The following CYP2C19 variants were observed in gnomAD, a reference collection of about 807,000 sequenced individuals.
CYP2C19 encodes cytochrome P450 family 2 subfamily C member 19.
A neutral mutation model predicts 40.9 loss-of-function variants in CYP2C19; 59 were observed. That is an observed-to-expected ratio of 1.44 (90% confidence interval 1.17 to 1.79). CYP2C19 has a LOEUF of 1.79. Ranked by LOEUF, CYP2C19 falls within the 40% of genes most tolerant of loss-of-function variation. The probability of loss-of-function intolerance (pLI) is 0.00; values close to 1 mark genes in which losing one functional copy is unlikely to be tolerated. For synonymous variants in CYP2C19, 253 were observed against 208.7 expected, an observed-to-expected ratio of 1.21 and a Z score of -1.83; for missense variants, 754 against 596.9, an observed-to-expected ratio of 1.26 and a Z score of -2.74.
At chr10:94,778,994 T>A (rs1228835871) in intron 3 of CYP2C19, among the ~76,000 whole-genome samples, 1 of 152,120 alleles carries the variant, frequency 6.6e-6, no homozygotes, top group African/African-American at 2.4e-5. Context: ...ACCACCATCC[T>A]CAGCAAACTA....
chr10:94,779,551 T>TTTTTCTTTGCTTTTC lies in CYP2C19; in HGVS notation c.482-940_482-939insGCTTTTCTTTTCTTT, dbSNP rs1554849208. ...CCATTTATTAATTTACTTTTTTTCC[T>TTTTTCTTTGCTTTTC]TTTTCTTTTCTTTTCTTTTTTTTTT... On this transcript the variant is annotated intron_variant, in intron 3 of 8. Coordinates refer to ENST00000371321, the MANE Select transcript of CYP2C19 (RefSeq NM_000769.4). 2.9e-5 allele frequency among the ~76,000 whole-genome samples: 4 copies of TTTTTCTTTGCTTTTC among 136,188 alleles called. No individual in the cohort carries two copies. In the East Asian group the frequency reaches 8.5e-4, roughly 29 times the overall value. 89.3% of individuals were successfully genotyped at this position (136,188 alleles called of 152,430 possible).
intron 8 of CYP2C19, among the ~76,000 whole-genome samples, chr10:94,850,909 C>G (rs776571300): frequency 1.2e-4 from 19 of 152,202 alleles, no homozygotes; most frequent in Non-Finnish European, 2.1e-4. Context: ...GATGTTTGAT[C>G]TCCACACGTG....
At chr10:94,780,462 G>A (rs78258427) in intron 3 of CYP2C19, 37 bp from the exon 4 acceptor site, 1 of 1,609,126 alleles carries the variant, frequency 6.2e-7, no homozygotes, top group Non-Finnish European at 8.5e-7. Context: ...TATATCTAAT[G>A]TTTACTCATA....
chr10:94,786,648 A>G (rs1364454400), intron 5 of CYP2C19, among the ~76,000 whole-genome samples: 1 of 152,092 alleles, frequency 6.6e-6, no homozygotes, highest in African/African-American at 2.4e-5. Flanking sequence ...AGGTAGTGAG[A>G]ATAGTACCCA....
At chr10:94,795,873 A>T (rs1434328199) in intron 5 of CYP2C19, among the ~76,000 whole-genome samples, 1 of 151,612 alleles carries the variant, frequency 6.6e-6, no homozygotes, top group African/African-American at 2.4e-5. Flanking sequence ...AATTTGTTTG[A>T]TTTCTTTGTA....
intron 3 of CYP2C19, among the ~76,000 whole-genome samples, chr10:94,778,891 A>G (rs964244473): frequency 2.6e-5 from 4 of 152,198 alleles, no homozygotes; most frequent in African/African-American, 9.6e-5. Flanking sequence ...ACACTGGATA[A>G]AGAAAATGTG....
At chr10:94,808,007 G>T (rs114001023) in intron 5 of CYP2C19, among the ~76,000 whole-genome samples, 1 of 151,966 alleles carries the variant, frequency 6.6e-6, no homozygotes, top group African/African-American at 2.4e-5. Flanking sequence ...ATAGTTTCAG[G>T]TATTAATCAT....
At chr10:94,804,477 A>G (rs1194257052) in intron 5 of CYP2C19, among the ~76,000 whole-genome samples, 2 of 152,250 alleles carry the variant, frequency 1.3e-5, no homozygotes, top group Non-Finnish European at 2.9e-5. Flanking sequence ...TATTAAAAGC[A>G]GCATCTTGCT....
At position 94,831,444 on chromosome 10, in the gene CYP2C19, A is replaced by G. The variant is rs563839547; in HGVS notation, c.961+10807A>G. Among the ~76,000 whole-genome samples the G allele has an allele frequency of 2.5e-4, 38 of 152,284 alleles. 1 individual carries two copies. In the South Asian group the frequency reaches 5.8e-3, roughly 23 times the overall value. ...ATTTTTAGTTTTTTAAAAAACTTAC[A>G]ATATATATTTTTAGTTTTTTGAGGA... On this transcript the variant is annotated intron_variant, in intron 6 of 8. Transcript: ENST00000371321.
intron 5 of CYP2C19, among the ~76,000 whole-genome samples, chr10:94,815,174 AC>A (rs2134263057): frequency 6.6e-6 from 1 of 150,936 alleles, no homozygotes; most frequent in African/African-American, 2.4e-5. Flanking sequence ...TTGTGACTGC[AC>A]TGTTCTTCTT....
At chr10:94,842,570 C>A (rs865913572) in intron 6 of CYP2C19, among the ~76,000 whole-genome samples, 1 of 152,048 alleles carries the variant, frequency 6.6e-6, no homozygotes, top group Admixed American at 6.6e-5. Context: ...TCTCTTCCTT[C>A]TTTCATTTCT....
chr10:94,766,722 G>A (rs576813786), intron 1 of CYP2C19, among the ~76,000 whole-genome samples: 128 of 152,112 alleles, frequency 8.4e-4, no homozygotes, highest in Non-Finnish European at 1.5e-3. Flanking sequence ...CCAACAGTTC[G>A]CAGGTGTATT....
intron 5 of CYP2C19, among the ~76,000 whole-genome samples, chr10:94,804,071 G>C (rs780768319): frequency 1.4e-4 from 22 of 152,104 alleles, no homozygotes; most frequent in Non-Finnish European, 2.8e-4. Flanking sequence ...GGAAGAGTGG[G>C]GTGGCTAGGA....
intron 5 of CYP2C19, among the ~76,000 whole-genome samples, chr10:94,804,174 G>A (rs978977666): frequency 6.6e-6 from 1 of 152,126 alleles, no homozygotes; most frequent in African/African-American, 2.4e-5. Context: ...TTAGGGGAAA[G>A]GCTGAGGCAC....
At chr10:94,794,822 T>A (rs1395613929) in intron 5 of CYP2C19, among the ~76,000 whole-genome samples, 2 of 152,064 alleles carry the variant, frequency 1.3e-5, no homozygotes, top group African/African-American at 4.8e-5. Flanking sequence ...ATGGTTTTTC[T>A]AAATACACAA....
chr10:94,812,976 TG>T (rs977760572), intron 5 of CYP2C19, among the ~76,000 whole-genome samples: 1 of 151,194 alleles, frequency 6.6e-6, no homozygotes, highest in Non-Finnish European at 1.5e-5. Context: ...CTTTTTGTGC[TG>T]TTTTTTTTTT....
At chr10:94,839,164 G>A (rs992381457) in intron 6 of CYP2C19, among the ~76,000 whole-genome samples, 4 of 152,212 alleles carry the variant, frequency 2.6e-5, no homozygotes, top group East Asian at 1.9e-4. Flanking sequence ...TCTGCTTATC[G>A]GATTACTTAC....
At chr10:94,839,275 C>T (rs539773258) in intron 6 of CYP2C19, among the ~76,000 whole-genome samples, 2 of 152,002 alleles carry the variant, frequency 1.3e-5, no homozygotes, top group South Asian at 4.2e-4. Context: ...ACCAGCTTGC[C>T]CAACATTGCC....
intron 6 of CYP2C19, among the ~76,000 whole-genome samples, chr10:94,830,294 A>G (rs1486562959): frequency 1.3e-5 from 2 of 152,166 alleles, no homozygotes; most frequent in Non-Finnish European, 2.9e-5. Flanking sequence ...CTGCTGTGCT[A>G]GCAATTAGTG....
Sources: allele counts gnomAD v4.1 joint callset (sites outside exome capture counted in the v4.1 genomes callset), GRCh38; gene constraint gnomAD v4.1.1; transcripts MANE v1.5; gene names NCBI Gene and HGNC (gene_info 2026-07-23, HGNC 2026-07-21).